The following FRAS1 variants were observed in gnomAD, a reference collection of about 807,000 sequenced individuals.
FRAS1 encodes Fraser extracellular matrix complex subunit 1.
A neutral mutation model predicts 435.2 loss-of-function variants in FRAS1; 290 were observed. The observed-to-expected ratio is 0.67, with a 90% CI of 0.61 to 0.73. FRAS1 has a LOEUF of 0.73. Among genes scored for constraint, FRAS1 ranks in the 30% least tolerant of loss-of-function variants. The probability of loss-of-function intolerance (pLI) is 0.00; values close to 1 mark genes in which losing one functional copy is unlikely to be tolerated. For missense variants in FRAS1, 4,860 were observed against 5,001.5 expected (o/e 0.97, Z 0.85); for synonymous variants, 1,800 against 1,851.0 (o/e 0.97, Z 0.71).
intron 65 of FRAS1, among the ~76,000 whole-genome samples, chr4:78,513,799 T>C (rs145945207): frequency 6.2e-4 from 95 of 152,328 alleles, no homozygotes; most frequent in Middle Eastern, 6.8e-3. Flanking sequence ...GTTTGACCTT[T>C]CTGAGCCACT....
chr4:78,521,160 G>T (rs1377378857), intron 67 of FRAS1, among the ~76,000 whole-genome samples: 2 of 152,140 alleles, frequency 1.3e-5, no homozygotes, highest in Non-Finnish European at 2.9e-5. Flanking sequence ...TCTTGGCGAG[G>T]AAAAGAAAGT....
At chr4:78,091,978 C>CAAAAAA (rs34804542) in intron 2 of FRAS1, among the ~76,000 whole-genome samples, 11 of 83,686 alleles carry the variant, frequency 1.3e-4, no homozygotes, top group African/African-American at 3.6e-4. Flanking sequence ...GAGACTGTCT[C>CAAAAAA]AAAAAAAAAA....
At position 78,496,917 on chromosome 4, in the gene FRAS1, G is replaced by C. The variant is rs769767187; in HGVS notation, c.9071G>C (p.Gly3024Ala). ...AACCACTGGAGTGGAGCTAGAATTGGAAAGAATAACATGGCCACCATCACC... is the reference window on the plus strand; with the variant it reads ...AACCACTGGAGTGGAGCTAGAATTGCAAAGAATAACATGGCCACCATCACC... The part of the protein sequence containing the change: ...LGNHWSGARI[G>A]KNNMATITIS... Residue 3024 changes from glycine (G) to alanine (A), a missense_variant, in exon 60 of 74, where the codon GGA becomes GCA. Transcript: ENST00000512123. 2.5e-6 allele frequency: 4 copies of C among 1,613,698 alleles called. No individual in the cohort carries two copies. In the South Asian group the frequency reaches 3.3e-5, roughly 13 times the overall value.
chr4:78,081,656 G>A (rs1740902448), intron 2 of FRAS1, among the ~76,000 whole-genome samples: 2 of 152,096 alleles, frequency 1.3e-5, no homozygotes, highest in South Asian at 4.1e-4. Context: ...CCCCTCTGTG[G>A]TAGGTCCTCA....
chr4:78,347,660 C>T (rs1408982271), intron 20 of FRAS1, among the ~76,000 whole-genome samples: 1 of 152,142 alleles, frequency 6.6e-6, no homozygotes, highest in Non-Finnish European at 1.5e-5. Flanking sequence ...CTGCAAACAT[C>T]AAATAAGCAC....
chr4:78,255,503 A>T (rs1377044466), intron 6 of FRAS1, 128 bp downstream of exon 6: 4 of 973,372 alleles, frequency 4.1e-6, no homozygotes, highest in Non-Finnish European at 5.9e-6. Context: ...TGTTTTCCTC[A>T]TACTTTTGGA....
chr4:78,099,732 G>A (rs996037764), intron 2 of FRAS1, among the ~76,000 whole-genome samples: 15 of 152,116 alleles, frequency 9.9e-5, no homozygotes, highest in African/African-American at 3.6e-4. Context: ...GTTTGTGGAG[G>A]GGAATTCTTG....
intron 1 of FRAS1, among the ~76,000 whole-genome samples, chr4:78,059,581 A>G (rs1739654249): frequency 6.6e-6 from 1 of 151,778 alleles, no homozygotes. Flanking sequence ...CAGGCCACCC[A>G]AACCTGAACT....
chr4:78,125,472 T>A (rs1437214621), intron 2 of FRAS1, among the ~76,000 whole-genome samples: 1 of 152,208 alleles, frequency 6.6e-6, no homozygotes, highest in Non-Finnish European at 1.5e-5. Context: ...TCTGTTGATT[T>A]GGGGTGGAGA....
In FRAS1 at chr4:78,515,912, A is replaced by C; in HGVS notation, c.10288A>C (p.Lys3430Gln). 6.2e-7 allele frequency: 1 copy of C among 1,614,024 alleles called. No individual in the cohort carries two copies. The highest frequency in any genetic ancestry group is 8.5e-7 in the Non-Finnish European group (1 of 1,179,904). ...VREPKTIQLY[K>Q]HLNLKSCVWT... ...AGAGCCGAAGACCATCCAGCTCTAC[A>C]AACACCTGAACCTGAAGAGCTGCGT... The change falls in exon 66 of 74, where the codon AAA (lysine) becomes CAA (glutamine). Residue 3430 changes from lysine (K) to glutamine (Q), a missense_variant. By Grantham distance (53) the Lys-to-Gln change is moderately conservative. Coordinates refer to ENST00000512123, the MANE Select transcript of FRAS1 (RefSeq NM_025074.7).
At chr4:78,212,039 T>C (rs1723529727) in intron 2 of FRAS1, among the ~76,000 whole-genome samples, 1 of 152,258 alleles carries the variant, frequency 6.6e-6, no homozygotes, top group African/African-American at 2.4e-5. Context: ...TTTCTTTTTA[T>C]GACTAATATT....
At chr4:78,445,764 A>T (rs1718800881) in intron 42 of FRAS1, 52 bp downstream of exon 42, 1 of 1,585,982 alleles carries the variant, frequency 6.3e-7, no homozygotes. Flanking sequence ...AATATTTCAC[A>T]CCATTAGAGA....
At chr4:78,480,223 C>T (rs1719970482) in intron 56 of FRAS1, among the ~76,000 whole-genome samples, 1 of 152,138 alleles carries the variant, frequency 6.6e-6, no homozygotes, top group South Asian at 2.1e-4. Flanking sequence ...CCCCCCTCCA[C>T]CACCATTTCC....
At chr4:78,331,322 C>T (rs767598091) in intron 18 of FRAS1, among the ~76,000 whole-genome samples, 5 of 150,738 alleles carry the variant, frequency 3.3e-5, no homozygotes, top group Admixed American at 6.6e-5. Flanking sequence ...TGGCATTGAC[C>T]TCAGTTCAGG....
At chr4:78,135,223 G>T (rs1197724884) in intron 2 of FRAS1, among the ~76,000 whole-genome samples, 1 of 152,160 alleles carries the variant, frequency 6.6e-6, no homozygotes, top group Non-Finnish European at 1.5e-5. Context: ...TGCCGTCATA[G>T]TCAGTCTTCC....
At chr4:78,430,215 C>T (rs774293770) in intron 36 of FRAS1, 77 bp from the exon 37 acceptor site, 11 of 1,568,978 alleles carry the variant, frequency 7.0e-6, no homozygotes, top group Non-Finnish European at 9.6e-6. Flanking sequence ...CCTAGCCTGG[C>T]CTGCGGTTTT....
At chr4:78,119,647 A>C (rs1018585586) in intron 2 of FRAS1, among the ~76,000 whole-genome samples, 6 of 152,190 alleles carry the variant, frequency 3.9e-5, no homozygotes, top group Non-Finnish European at 8.8e-5. Context: ...GCTGCAAAAA[A>C]CAGGGGTAAT....
At chr4:78,121,192 G>A (rs971213714) in intron 2 of FRAS1, among the ~76,000 whole-genome samples, 3 of 152,132 alleles carry the variant, frequency 2.0e-5, no homozygotes, top group Admixed American at 6.5e-5. Context: ...GCAATAAGCC[G>A]TGTATGTACA....
At chr4:78,493,032 A>T (rs1720409149) in intron 59 of FRAS1, among the ~76,000 whole-genome samples, 1 of 152,230 alleles carries the variant, frequency 6.6e-6, no homozygotes, top group African/African-American at 2.4e-5. Flanking sequence ...ACATTTATGC[A>T]GCCAACAAAC....
Sources: gnomAD v4.1 joint callset for allele counts (sites outside exome capture counted in the v4.1 genomes callset) on GRCh38, gnomAD v4.1.1 for gene constraint, MANE v1.5 for transcripts, NCBI Gene and HGNC (gene_info 2026-07-23, HGNC 2026-07-21) for gene names.